EHBP1: variants seen among roughly 807,000 people sequenced by gnomAD.
EHBP1 encodes EH domain binding protein 1.
Under a neutral mutation model 144.0 loss-of-function variants are expected in EHBP1, and 55 were observed. The ratio of observed to expected loss-of-function variants is 0.38; its 90% confidence interval spans 0.31 to 0.48. The LOEUF is 0.48. EHBP1 is among the 20% of genes least tolerant of loss of function. EHBP1 has a pLI of 0.98. For missense variants in EHBP1, 1,200 were observed against 1,364.2 expected (o/e 0.88, Z 1.90); for synonymous variants, 469 against 472.7 (o/e 0.99, Z 0.10).
At chr2:62,869,176 C>T (rs1029947596) in intron 9 of EHBP1, among the ~76,000 whole-genome samples, 2 of 151,954 alleles carry the variant, frequency 1.3e-5, no homozygotes, top group Non-Finnish European at 2.9e-5. Flanking sequence ...GTGGGGCCAC[C>T]GGAACTCCAC....
chr2:62,715,930 C>T (rs1276948170), intron 2 of EHBP1, among the ~76,000 whole-genome samples: 3 of 152,174 alleles, frequency 2.0e-5, no homozygotes, highest in Non-Finnish European at 4.4e-5. Context: ...ACATGTTATG[C>T]TTAATTAACC....
At chr2:63,044,937 C>CA (rs2153383721) in intron 21 of EHBP1, 129 bp from the exon 22 acceptor site, 2 of 660,410 alleles carry the variant, frequency 3.0e-6, no homozygotes, top group East Asian at 5.6e-5. Context: ...CCAGAAAACA[C>CA]TAGCTAGTGG....
intron 7 of EHBP1, among the ~76,000 whole-genome samples, chr2:62,839,520 G>T (rs2047609604): frequency 6.7e-6 from 1 of 149,120 alleles, no homozygotes; most frequent in Non-Finnish European, 1.5e-5. Flanking sequence ...GGAAATAAAG[G>T]GTATTCAATT....
intron 7 of EHBP1, among the ~76,000 whole-genome samples, chr2:62,846,131 A>C (rs2048283857): frequency 6.6e-6 from 1 of 152,192 alleles, no homozygotes; most frequent in African/African-American, 2.4e-5. Flanking sequence ...TGTCACTCTT[A>C]AATGCTAATG....
At chr2:62,755,223 G>T (rs928568885) in intron 3 of EHBP1, among the ~76,000 whole-genome samples, 1 of 152,178 alleles carries the variant, frequency 6.6e-6, no homozygotes, top group South Asian at 2.1e-4. Context: ...TAAGACTAGT[G>T]TTGCTTGTTC....
intron 10 of EHBP1, among the ~76,000 whole-genome samples, chr2:62,941,384 C>T (rs2056749164): frequency 2.0e-5 from 3 of 152,006 alleles, no homozygotes; most frequent in Non-Finnish European, 2.9e-5. Context: ...TGATCCAAAC[C>T]GTTGATTTTT....
intron 3 of EHBP1, among the ~76,000 whole-genome samples, chr2:62,754,937 G>A (rs1406316361): frequency 2.0e-5 from 3 of 152,200 alleles, no homozygotes; most frequent in African/African-American, 4.8e-5. Flanking sequence ...TGCACTTCCC[G>A]GGTGAGGCAA....
chr2:62,858,321 G>A (rs1431938044), intron 7 of EHBP1: 5 of 808,394 alleles, frequency 6.2e-6, no homozygotes, highest in African/African-American at 1.7e-5. Context: ...TCTCCTCTTT[G>A]TCTTTTTGGG....
At chr2:62,993,051 C>T (rs2059476576) in intron 16 of EHBP1, among the ~76,000 whole-genome samples, 1 of 152,114 alleles carries the variant, frequency 6.6e-6, no homozygotes, top group African/African-American at 2.4e-5. Flanking sequence ...TTGTAGTTTC[C>T]TTAGCTGTAA....
intron 7 of EHBP1, among the ~76,000 whole-genome samples, chr2:62,851,618 CATGTAA>C (rs1429560700): frequency 6.6e-6 from 1 of 152,130 alleles, no homozygotes; most frequent in Non-Finnish European, 1.5e-5. Flanking sequence ...CTAGCACAGG[CATGTAA>C]TAGGTACTTG....
At chr2:63,000,391 T>A (rs993477094) in intron 19 of EHBP1, among the ~76,000 whole-genome samples, 1 of 152,014 alleles carries the variant, frequency 6.6e-6, no homozygotes, top group African/African-American at 2.4e-5. Flanking sequence ...TGTGTTTTTT[T>A]TTTTCTTTTA....
intron 2 of EHBP1, among the ~76,000 whole-genome samples, chr2:62,747,116 T>C (rs988984812): frequency 5.9e-5 from 9 of 152,104 alleles, no homozygotes; most frequent in East Asian, 3.8e-4. Flanking sequence ...GCTTTTTTTC[T>C]TTTTAAAATA....
rs1397458290 is a variant in EHBP1, at chr2:62,993,887, A to G, written c.2889A>G (p.Arg963=). ...IENRPEMKRQ[R]SIQEDTKKGN... ...TTTTTTAAGAGATGAAAAGGCAGAG[A>G]TCAATACAGGAAGATACAAAGAAAG... The change falls in exon 18 of 23, where the codon AGA becomes AGG. Residue 963 remains arginine (R), a synonymous_variant. Coordinates refer to ENST00000431489, the MANE Select transcript of EHBP1 (RefSeq NM_001142616.3). The G allele has an allele frequency of 3.2e-6, 5 of 1,581,976 alleles. No individual in the cohort carries two copies. Among genetic ancestry groups the G allele is most frequent in the Middle Eastern group, 1.7e-4 (1 of 5,874 alleles).
chr2:62,737,218 A>C (rs2038225465), intron 2 of EHBP1, among the ~76,000 whole-genome samples: 1 of 152,196 alleles, frequency 6.6e-6, no homozygotes, highest in Non-Finnish European at 1.5e-5. Context: ...CCTCGTTAAG[A>C]AAAGAATGCT....
chr2:62,976,352 T>A (rs2058712481), intron 14 of EHBP1, among the ~76,000 whole-genome samples: 1 of 152,168 alleles, frequency 6.6e-6, no homozygotes, highest in Non-Finnish European at 1.5e-5. Context: ...TGGGCTTGAG[T>A]TCTACCCATT....
chr2:62,913,493 A>G (rs2054377465), intron 10 of EHBP1, among the ~76,000 whole-genome samples: 1 of 152,200 alleles, frequency 6.6e-6, no homozygotes, highest in South Asian at 2.1e-4. Context: ...CACCCCACTC[A>G]GGGCATGCTT....
At chr2:62,921,300 G>T (rs1299920084) in intron 10 of EHBP1, among the ~76,000 whole-genome samples, 1 of 151,982 alleles carries the variant, frequency 6.6e-6, no homozygotes, top group African/African-American at 2.4e-5. Flanking sequence ...ACAAAAATTT[G>T]TCAGGCATGG....
intron 6 of EHBP1, among the ~76,000 whole-genome samples, chr2:62,830,767 G>A (rs772230022): frequency 3.3e-5 from 5 of 152,048 alleles, no homozygotes; most frequent in African/African-American, 4.8e-5. Flanking sequence ...AATTTTTATG[G>A]CTTCAGGTTT....
chr2:62,796,671 A>G (rs2043556509), intron 5 of EHBP1, among the ~76,000 whole-genome samples: 1 of 152,182 alleles, frequency 6.6e-6, no homozygotes, highest in Non-Finnish European at 1.5e-5. Flanking sequence ...TTTGACTTCC[A>G]TAGCATATAC....
Sources: allele counts gnomAD v4.1 joint callset (sites outside exome capture counted in the v4.1 genomes callset), GRCh38; gene constraint gnomAD v4.1.1; transcripts MANE v1.5; gene names NCBI Gene and HGNC (gene_info 2026-07-23, HGNC 2026-07-21).